The following LRRC4C variants were observed in gnomAD, a reference collection of about 807,000 sequenced individuals.
The protein encoded by LRRC4C is leucine rich repeat containing 4C, also known as leucine-rich repeat-containing protein 4C.
Under a neutral mutation model 33.6 loss-of-function variants are expected in LRRC4C, and 5 were observed. The ratio of observed to expected loss-of-function variants is 0.15; its 90% confidence interval spans 0.08 to 0.31. LRRC4C has a LOEUF of 0.31. Ranked by LOEUF, LRRC4C falls within the 10% of genes least tolerant of loss-of-function variation. The probability of loss-of-function intolerance (pLI) is 1.00; values close to 1 mark genes in which losing one functional copy is unlikely to be tolerated. For synonymous variants in LRRC4C, 329 were observed against 302.0 expected (o/e 1.09, Z -0.93); for missense variants, 560 against 796.7 (o/e 0.70, Z 3.58).
intron 1 of LRRC4C, among the ~76,000 whole-genome samples, chr11:41,122,625 T>C (rs767650180): frequency 7.2e-5 from 11 of 151,912 alleles, no homozygotes; most frequent in Non-Finnish European, 1.6e-4. Flanking sequence ...AATAAATAGA[T>C]AGAAATATAT....
intron 1 of LRRC4C, among the ~76,000 whole-genome samples, chr11:41,304,774 G>T (rs1351058421): frequency 1.2e-5 from 1 of 82,856 alleles, no homozygotes; most frequent in Non-Finnish European, 2.4e-5. Flanking sequence ...GAGGTGGGGG[G>T]GTCAGCCCCC....
At chr11:40,868,503 A>C (rs972869328) in intron 2 of LRRC4C, among the ~76,000 whole-genome samples, 1 of 152,112 alleles carries the variant, frequency 6.6e-6, no homozygotes, top group Non-Finnish European at 1.5e-5. Context: ...GGAAATTTTC[A>C]TTCTAAACTT....
chr11:40,228,445 TAAAAAA>T (rs533419698), intron 5 of LRRC4C, among the ~76,000 whole-genome samples: 1 of 142,998 alleles, frequency 7.0e-6, no homozygotes, highest in African/African-American at 2.5e-5. Flanking sequence ...TACTTCAAAG[TAAAAAA>T]AAAAAAATCT....
At chr11:40,551,825 T>C (rs1957137751) in intron 3 of LRRC4C, among the ~76,000 whole-genome samples, 1 of 152,216 alleles carries the variant, frequency 6.6e-6, no homozygotes, top group African/African-American at 2.4e-5. Context: ...TCATCATATG[T>C]GTCAGCTTAG....
intron 1 of LRRC4C, among the ~76,000 whole-genome samples, chr11:41,086,182 G>T (rs1251171303): frequency 6.6e-6 from 1 of 151,964 alleles, no homozygotes; most frequent in Non-Finnish European, 1.5e-5. Flanking sequence ...AACACTTTAT[G>T]CCTTATTTTC....
At chr11:41,002,618 C>T (rs1854467202) in intron 1 of LRRC4C, among the ~76,000 whole-genome samples, 1 of 152,108 alleles carries the variant, frequency 6.6e-6, no homozygotes, top group South Asian at 2.1e-4. Flanking sequence ...CAAATAATGG[C>T]ATTGTATTTT....
intron 1 of LRRC4C, among the ~76,000 whole-genome samples, chr11:40,982,893 A>T (rs1414375190): frequency 6.6e-6 from 1 of 152,072 alleles, no homozygotes; most frequent in Non-Finnish European, 1.5e-5. Context: ...CTCATCATTT[A>T]GCTCCCACTT....
chr11:40,558,042 A>G (rs1299775790), intron 3 of LRRC4C, among the ~76,000 whole-genome samples: 2 of 152,156 alleles, frequency 1.3e-5, no homozygotes, highest in Non-Finnish European at 2.9e-5. Context: ...AAAATAATTC[A>G]CTTTGTGTGC....
intron 4 of LRRC4C, among the ~76,000 whole-genome samples, chr11:40,261,230 G>A (rs764566029): frequency 1.4e-4 from 22 of 152,220 alleles, no homozygotes; most frequent in Non-Finnish European, 2.8e-4. Flanking sequence ...TAAGGAATGT[G>A]TAGCAACTCA....
At chr11:40,670,930 A>AT (rs1944068402) in intron 2 of LRRC4C, among the ~76,000 whole-genome samples, 1 of 151,930 alleles carries the variant, frequency 6.6e-6, no homozygotes, top group Admixed American at 6.6e-5. Flanking sequence ...CGCCCTGCTA[A>AT]TTTTTTGTAT....
At chr11:40,954,629 C>A (rs1294234181) in intron 1 of LRRC4C, among the ~76,000 whole-genome samples, 1 of 151,876 alleles carries the variant, frequency 6.6e-6, no homozygotes, top group Non-Finnish European at 1.5e-5. Flanking sequence ...AATCTGGCCT[C>A]ATCTTCATAA....
chr11:40,925,607 A>G (rs1957381736), intron 2 of LRRC4C, among the ~76,000 whole-genome samples: 1 of 152,226 alleles, frequency 6.6e-6, no homozygotes, highest in African/African-American at 2.4e-5. Flanking sequence ...TAGAATAGAT[A>G]ACAAAAGGAA....
intron 3 of LRRC4C, among the ~76,000 whole-genome samples, chr11:40,492,950 C>T (rs1954237963): frequency 6.6e-6 from 1 of 151,928 alleles, no homozygotes; most frequent in Non-Finnish European, 1.5e-5. Flanking sequence ...CTTTAATTCC[C>T]AAGGGCCATC....
At chr11:40,804,125 T>C (rs912329587) in intron 2 of LRRC4C, among the ~76,000 whole-genome samples, 2 of 152,122 alleles carry the variant, frequency 1.3e-5, no homozygotes, top group Non-Finnish European at 2.9e-5. Context: ...CTAATTTTAG[T>C]AAAAATGGCC....
intron 2 of LRRC4C, among the ~76,000 whole-genome samples, chr11:40,822,494 A>G (rs1951977314): frequency 6.6e-6 from 1 of 151,674 alleles, no homozygotes; most frequent in South Asian, 2.1e-4. Flanking sequence ...TACCTCTTCA[A>G]TGTAATGGTT....
intron 3 of LRRC4C, among the ~76,000 whole-genome samples, chr11:40,481,593 G>C (rs1386896628): frequency 6.6e-6 from 1 of 151,704 alleles, no homozygotes; most frequent in African/African-American, 2.4e-5. Context: ...TTCAATTTTT[G>C]TTGAATATAA....
At chr11:40,344,150 A>G (rs1321404344) in intron 3 of LRRC4C, among the ~76,000 whole-genome samples, 2 of 152,146 alleles carry the variant, frequency 1.3e-5, no homozygotes, top group African/African-American at 4.8e-5. Flanking sequence ...AACTCATTCT[A>G]TGAGGCCAGC....
intron 3 of LRRC4C, among the ~76,000 whole-genome samples, chr11:40,509,021 T>C (rs776054854): frequency 6.6e-6 from 1 of 152,272 alleles, no homozygotes; most frequent in East Asian, 1.9e-4. Flanking sequence ...AGGAAATATA[T>C]GTTGACATGT....
intron 3 of LRRC4C, among the ~76,000 whole-genome samples, chr11:40,503,578 A>G (rs928307396): frequency 2.0e-5 from 3 of 152,194 alleles, no homozygotes; most frequent in African/African-American, 7.2e-5. Context: ...CAGTCTTTCA[A>G]TCTATTTAAA....
Sources: allele counts gnomAD v4.1 joint callset (sites outside exome capture counted in the v4.1 genomes callset), GRCh38; gene constraint gnomAD v4.1.1; transcripts MANE v1.5; gene names NCBI Gene and HGNC (gene_info 2026-07-23, HGNC 2026-07-21).